The following BAZ2B variants were observed in gnomAD, a reference collection of about 807,000 sequenced individuals.
BAZ2B encodes the protein bromodomain adjacent to zinc finger domain 2B.
BAZ2B carries 91 observed loss-of-function variants against 246.0 expected under a neutral mutation model. That is an observed-to-expected ratio of 0.37 (90% confidence interval 0.31 to 0.44). The LOEUF is 0.44. Ranked by LOEUF, BAZ2B falls within the 20% of genes least tolerant of loss-of-function variation. BAZ2B has a pLI of 1.00. For synonymous variants in BAZ2B, 855 were observed against 860.0 expected (o/e 0.99, Z 0.10); for missense variants, 2,332 against 2,533.7 (o/e 0.92, Z 1.71).
At chr2:159,336,525 A>G (rs2065696887) in intron 33 of BAZ2B, among the ~76,000 whole-genome samples, 1 of 152,234 alleles carries the variant, frequency 6.6e-6, no homozygotes, top group South Asian at 2.1e-4. Context: ...TCTTGTATTT[A>G]CTTATCTAAG....
the BAZ2B span, among the ~76,000 whole-genome samples, chr2:159,648,373 A>G: frequency 6.6e-6 from 1 of 152,052 alleles, no homozygotes; most frequent in Non-Finnish European, 1.5e-5. Context: ...CCTGACCTCA[A>G]CTAATCCACC....
At chr2:159,360,619 C>G (rs1207693014) in intron 27 of BAZ2B, among the ~76,000 whole-genome samples, 1 of 151,936 alleles carries the variant, frequency 6.6e-6, no homozygotes, top group Non-Finnish European at 1.5e-5. Context: ...CATATGGAAC[C>G]AAAAAAAGGT....
At chr2:159,492,579 T>C (rs1434128421) in intron 2 of BAZ2B, among the ~76,000 whole-genome samples, 1 of 152,206 alleles carries the variant, frequency 6.6e-6, no homozygotes, top group African/African-American at 2.4e-5. Context: ...TTATTGAATG[T>C]TTGTTGAATA....
In BAZ2B at chr2:159,433,014, T is replaced by G; in HGVS notation, c.1643A>C (p.Gln548Pro). 1 of 1,614,194 alleles carries G rather than the reference T, an allele frequency of 6.2e-7. No individual in the cohort carries two copies. Among genetic ancestry groups the G allele is most frequent in the Non-Finnish European group, 8.5e-7 (1 of 1,180,012 alleles). The change falls in exon 9 of 37, where the codon CAG (glutamine) becomes CCG (proline). Residue 548 changes from glutamine to proline, a missense_variant. By Grantham distance (76) the Gln-to-Pro change is moderately conservative (BLOSUM62 -1). This residue lies in a region of BAZ2B where 651 missense variants were observed against 650.9 expected (regional missense o/e 1.00). Coordinates refer to ENST00000392783, the MANE Select transcript of BAZ2B (RefSeq NM_013450.4). The stretch of plus-strand genomic sequence containing the variant: ...AGAGGCAGAGGGCATTACAGGTGTC[T>G]GATTGCCAGGGGTTCTTCTCCCACT... Reference protein sequence around the residue: ...STSGRRTPGNQTPVMPSASPI... With the variant: ...STSGRRTPGNPTPVMPSASPI...
At chr2:159,423,179 G>A (rs181105378) in intron 13 of BAZ2B, among the ~76,000 whole-genome samples, 7 of 152,158 alleles carry the variant, frequency 4.6e-5, no homozygotes, top group South Asian at 2.1e-4. Context: ...AGCTGGGCGC[G>A]GTGGCAGGCG....
chr2:159,612,066 A>C (rs1359800612), intron 1 of BAZ2B, among the ~76,000 whole-genome samples: 1 of 152,036 alleles, frequency 6.6e-6, no homozygotes, highest in Non-Finnish European at 1.5e-5. Context: ...TAAAAGTTAT[A>C]ACAATAAAAA....
chr2:159,454,583 T>G (rs2075499652), intron 3 of BAZ2B, among the ~76,000 whole-genome samples: 1 of 152,174 alleles, frequency 6.6e-6, no homozygotes. Flanking sequence ...TATGGCATTA[T>G]AATCTTAGGG....
the BAZ2B span, among the ~76,000 whole-genome samples, chr2:159,709,206 C>T: frequency 6.6e-6 from 1 of 150,672 alleles, no homozygotes; most frequent in Non-Finnish European, 1.5e-5. Flanking sequence ...GTAATCCCAG[C>T]ACACTGGGAG....
At chr2:159,634,470 T>C in the BAZ2B span, among the ~76,000 whole-genome samples, 1 of 152,216 alleles carries the variant, frequency 6.6e-6, no homozygotes, top group Admixed American at 6.5e-5. Context: ...TAATTATCCA[T>C]TAGCATGCAC....
intron 27 of BAZ2B, among the ~76,000 whole-genome samples, chr2:159,358,754 C>A (rs1449899970): frequency 6.6e-6 from 1 of 152,170 alleles, no homozygotes; most frequent in Non-Finnish European, 1.5e-5. Context: ...GAAATAATAA[C>A]CAGCAGTCTC....
chr2:159,557,487 A>C (rs1230765274), intron 1 of BAZ2B, among the ~76,000 whole-genome samples: 1 of 152,124 alleles, frequency 6.6e-6, no homozygotes, highest in East Asian at 1.9e-4. Flanking sequence ...CCCTTTTGAT[A>C]ATCCCCAAAC....
chr2:159,437,372 C>T (rs1293579833), intron 8 of BAZ2B: 1 of 151,326 alleles, frequency 6.6e-6, no homozygotes, highest in Non-Finnish European at 1.5e-5. Context: ...TTCATATAAT[C>T]CATTAAGAAT....
intron 5 of BAZ2B, 36 bp downstream of exon 5, chr2:159,448,206 A>G: frequency 6.3e-7 from 1 of 1,576,034 alleles, no homozygotes. Context: ...TTAGAATGGA[A>G]GATTTATAGT....
downstream of BAZ2B, among the ~76,000 whole-genome samples, chr2:159,318,690 G>A (rs2062366205): frequency 6.6e-6 from 1 of 152,286 alleles, no homozygotes; most frequent in South Asian, 2.1e-4. Context: ...GCTACCCATA[G>A]AGGCATTTTT....
the BAZ2B span, among the ~76,000 whole-genome samples, chr2:159,638,136 C>T: frequency 1.5e-3 from 232 of 152,274 alleles, 2 homozygotes; most frequent in African/African-American, 5.2e-3. Flanking sequence ...AAAGTCTCTG[C>T]GTGGTAATCA....
At chr2:159,550,069 A>G (rs1334862933) in intron 2 of BAZ2B, among the ~76,000 whole-genome samples, 1 of 151,890 alleles carries the variant, frequency 6.6e-6, no homozygotes, top group African/African-American at 2.4e-5. Flanking sequence ...TGATCTGCCC[A>G]CCTCTGCCTG....
At chr2:159,615,398 C>T (rs1212978441) in intron 1 of BAZ2B, 1 of 152,292 alleles carries the variant, frequency 6.6e-6, no homozygotes, top group African/African-American at 2.4e-5. Flanking sequence ...ACAGACCTTA[C>T]TGTATGAGAA....
intron 1 of BAZ2B, among the ~76,000 whole-genome samples, chr2:159,563,237 C>G (rs977914267): frequency 6.6e-6 from 1 of 152,080 alleles, no homozygotes; most frequent in Non-Finnish European, 1.5e-5. Context: ...AATTTCATCA[C>G]AAACAAAAAA....
chr2:159,397,061 A>T, intron 19 of BAZ2B: 1 of 1,389,920 alleles, frequency 7.2e-7, no homozygotes, highest in Non-Finnish European at 9.6e-7. Context: ...TACAAAAATA[A>T]ACATACCCAT....
Sources: gnomAD v4.1 joint callset for allele counts (sites outside exome capture counted in the v4.1 genomes callset) on GRCh38, gnomAD v4.1.1 for gene constraint, gnomAD v4.1.1 regional missense constraint, MANE v1.5 for transcripts, NCBI Gene and HGNC (gene_info 2026-07-23, HGNC 2026-07-21) for gene names.